ELP3: variants seen among roughly 807,000 people sequenced by gnomAD.
ELP3 encodes the protein elongator acetyltransferase complex subunit 3.
ELP3 carries 56 observed loss-of-function variants against 74.9 expected under a neutral mutation model. That is an observed-to-expected ratio of 0.75 (90% CI 0.60 to 0.93). ELP3 has a LOEUF of 0.93. Among genes scored for constraint, ELP3 ranks in the 40% least tolerant of loss-of-function variants. ELP3 has a pLI of 0.00. For synonymous variants in ELP3, 222 were observed against 239.8 expected (o/e 0.93, Z 0.68); for missense variants, 573 against 686.5 (o/e 0.83, Z 1.85).
rs140559359 is a variant in ELP3, at chr8:28,182,964, G to A, written c.1568-6685G>A. The stretch of plus-strand genomic sequence containing the variant: ...GGGGCTCTTGGCAGCCAGCCTTGGA[G>A]CAGTAGCCAGAGGTCATCCTTGGGA... On this transcript the variant is annotated intron_variant, in intron 14 of 14. Coordinates refer to ENST00000256398, the MANE Select transcript of ELP3 (RefSeq NM_018091.6). Among the ~76,000 whole-genome samples the A allele has an allele frequency of 1.2e-3, 180 of 152,304 alleles. 3 individuals carry two copies. The East Asian group carries it at 0.027, about 23-fold the overall frequency.
chr8:28,147,708 C>T lies in ELP3; in HGVS notation c.1101-8234C>T, dbSNP rs549690726. On this transcript the variant is annotated intron_variant, in intron 10 of 14. Coordinates refer to ENST00000256398, the MANE Select transcript of ELP3 (RefSeq NM_018091.6). The surrounding 1 kb of genome is among the most constrained non-coding windows in gnomAD (Gnocchi z 4.5). ...TACTGAGAGGTTCTAGAGGCAATGA[C>T]ACCCAGCAGTAATAAACACAGTGAG... is the stretch of plus-strand genomic sequence containing the variant. Among the ~76,000 whole-genome samples, 1 of 152,226 alleles carries T rather than the reference C, an allele frequency of 6.6e-6. No individual in the cohort carries two copies. The highest frequency in any genetic ancestry group is 1.5e-5 in the Non-Finnish European group (1 of 68,010).
At chr8:28,102,203 T>A (rs1206134954) in intron 3 of ELP3, among the ~76,000 whole-genome samples, 6 of 152,230 alleles carry the variant, frequency 3.9e-5, no homozygotes, top group Non-Finnish European at 7.3e-5. Flanking sequence ...TTCAGACTCC[T>A]GTCAGATTGT....
At chr8:28,149,415 CT>C (rs1813557815) in intron 10 of ELP3, among the ~76,000 whole-genome samples, 1 of 152,166 alleles carries the variant, frequency 6.6e-6, no homozygotes, top group African/African-American at 2.4e-5. Context: ...CAGATTGTAT[CT>C]TTCAGGGACT....
chr8:28,139,421 A>G (rs776431488), intron 10 of ELP3, among the ~76,000 whole-genome samples: 1 of 152,182 alleles, frequency 6.6e-6, no homozygotes, highest in Admixed American at 6.5e-5. Flanking sequence ...ATATAGGTAC[A>G]TGTAGAAATA....
Position 28,190,573 on chromosome 8 carries a change from A to AT in ELP3, c.*862dup, listed in dbSNP as rs11368481. 0.43 allele frequency: 62,797 copies of AT among 146,052 alleles called. 14,538 individuals carry two copies. Among genetic ancestry groups the AT allele is most frequent in the Middle Eastern group, 0.55 (158 of 288 alleles). The allele number at this position is 146,052 out of a possible 1,614,324, so 9.0% of individuals were successfully genotyped here. On this transcript the variant is annotated 3_prime_UTR_variant, in exon 15 of 15. Coordinates refer to ENST00000256398, the MANE Select transcript of ELP3 (RefSeq NM_018091.6). The stretch of plus-strand genomic sequence containing the variant: ...GCTTCCACAGAAGCCATTACTTGCA[A>AT]TTTTTTTTTTTTTTCTGAGAAAGTC...
intron 4 of ELP3, 68 bp from the exon 5 acceptor site, chr8:28,107,832 TTGGAGATGGTAGA>T (rs1811756525): frequency 9.4e-7 from 1 of 1,065,214 alleles, no homozygotes; most frequent in Non-Finnish European, 1.4e-6. Flanking sequence ...TCAGGATTCT[TTGGAGATGGTAGA>T]TGCTTGGAAC....
chr8:28,128,889 C>T lies in ELP3; in HGVS notation c.618-613C>T, dbSNP rs528198633. 1.1e-3 allele frequency among the ~76,000 whole-genome samples: 169 copies of T among 152,230 alleles called. 1 individual carries two copies. The highest frequency in any genetic ancestry group is 5.8e-4 in the African/African-American group (24 of 41,540). The stretch of plus-strand genomic sequence containing the variant: ...GACAGCATGAATCTAAAGTGGTGCT[C>T]GCTACTCTGATACATGATTTTAGTA... On this transcript the variant is annotated intron_variant, in intron 7 of 14. Transcript: ENST00000256398.
chr8:28,172,045 G>C (rs1363469209), intron 14 of ELP3, among the ~76,000 whole-genome samples: 1 of 152,118 alleles, frequency 6.6e-6, no homozygotes, highest in Non-Finnish European at 1.5e-5. Flanking sequence ...GTACTATGCT[G>C]TTTTAATCAC....
chr8:28,182,725 G>T (rs17058696), intron 14 of ELP3, among the ~76,000 whole-genome samples: 1 of 152,054 alleles, frequency 6.6e-6, no homozygotes, highest in Non-Finnish European at 1.5e-5. Flanking sequence ...CCCAGGCTCC[G>T]GCATATGCAT....
intron 7 of ELP3, among the ~76,000 whole-genome samples, chr8:28,114,719 C>T (rs1270208103): frequency 6.6e-6 from 1 of 152,124 alleles, no homozygotes; most frequent in Admixed American, 6.5e-5. Context: ...TGTCAGATCC[C>T]AGTGAACAAG....
chr8:28,124,218 A>G (rs1216287437), intron 7 of ELP3, among the ~76,000 whole-genome samples: 1 of 152,184 alleles, frequency 6.6e-6, no homozygotes, highest in South Asian at 2.1e-4. Context: ...ATCTAGTACA[A>G]TGCCTTAAGC....
intron 10 of ELP3, among the ~76,000 whole-genome samples, chr8:28,142,453 G>C (rs1458075114): frequency 6.6e-6 from 1 of 152,222 alleles, no homozygotes; most frequent in Non-Finnish European, 1.5e-5. Flanking sequence ...ACAGGTGGAT[G>C]TAGGCTTAAG....
chr8:28,136,465 A>G (rs978470205), intron 9 of ELP3, among the ~76,000 whole-genome samples: 5 of 152,204 alleles, frequency 3.3e-5, no homozygotes, highest in African/African-American at 1.2e-4. Context: ...TGGGTGAACA[A>G]TGGCTTCCAT....
At chr8:28,091,543 C>G (rs1811054178), upstream of ELP3, among the ~76,000 whole-genome samples, 1 of 152,134 alleles carries the variant, frequency 6.6e-6, no homozygotes, top group South Asian at 2.1e-4. Flanking sequence ...GGGTCAAAGC[C>G]TCGTTGTTGC....
At chr8:28,100,095 G>T (rs775842360) in intron 3 of ELP3, 129 bp downstream of exon 3, 2 of 1,178,078 alleles carry the variant, frequency 1.7e-6, no homozygotes, top group Non-Finnish European at 2.4e-6. Flanking sequence ...CCTGTATTAG[G>T]ATATGTGCTG....
chr8:28,154,087 CAT>C (rs1417040859), intron 10 of ELP3, among the ~76,000 whole-genome samples: 1 of 152,186 alleles, frequency 6.6e-6, no homozygotes, highest in African/African-American at 2.4e-5. Context: ...AGAGAAATTA[CAT>C]GTGTTAGGTA....
Position 28,137,823 on chromosome 8 carries a change from C to T in ELP3, c.1032C>T (p.Asp344=). The T allele has an allele frequency of 6.2e-7, 1 of 1,613,996 alleles. No individual in the cohort carries two copies. Among genetic ancestry groups the T allele is most frequent in the Non-Finnish European group, 8.5e-7 (1 of 1,180,000 alleles). Residue 344 remains aspartate (D), a synonymous_variant, in exon 10 of 15, where the codon GAC becomes GAT. Transcript: ENST00000256398. ...GATATAAGAGTTACTCTCCTAGTGA[C>T]CTGGTTGAATTGGTGGCTCGGATCC... The part of the protein sequence containing the change: ...SGRYKSYSPS[D]LVELVARILA...
Position 28,129,504 on chromosome 8 carries a change from A to G in ELP3, c.620A>G (p.Tyr207Cys), listed in dbSNP as rs1029734411. 1 of 1,614,202 alleles carries G rather than the reference A, an allele frequency of 6.2e-7. No homozygotes were observed. The highest frequency in any genetic ancestry group is 8.5e-7 in the Non-Finnish European group (1 of 1,180,008). The change falls in exon 8 of 15, where the codon TAT (tyrosine) becomes TGT (cysteine). Residue 207 changes from tyrosine to cysteine, a missense_variant and splice_region_variant. Transcript: ENST00000256398. ...TSNNIYEAVK[Y>C]SERSLTKCIG... ...ATTATTTTAGATTTGCTCTACAGGT[A>G]TTCTGAGAGAAGCCTCACAAAGTGT... is the stretch of plus-strand genomic sequence containing the variant.
upstream of ELP3, chr8:28,090,290 A>T: frequency 2.4e-6 from 1 of 409,298 alleles, no homozygotes; most frequent in South Asian, 1.8e-5. Context: ...TCTGGAGCCC[A>T]GGCTGTTGCT....
Sources: gnomAD v4.1 joint callset for allele counts (sites outside exome capture counted in the v4.1 genomes callset) on GRCh38, gnomAD v4.1.1 for gene constraint, Gnocchi (gnomAD v3.1) non-coding constraint, MANE v1.5 for transcripts, NCBI Gene and HGNC (gene_info 2026-07-23, HGNC 2026-07-21) for gene names.